Variants in FAM110B observed in about 807,000 individuals in gnomAD.
The protein encoded by FAM110B is protein FAM110B.
In FAM110B, 6 loss-of-function variants were observed where a neutral mutation model predicts 20.4. The ratio of observed to expected loss-of-function variants is 0.29; its 90% confidence interval spans 0.16 to 0.58. FAM110B has a LOEUF of 0.58. Ranked by LOEUF, FAM110B falls within the 20% of genes least tolerant of loss-of-function variation. The pLI is 0.90. For synonymous variants in FAM110B, 226 were observed against 214.1 expected (o/e 1.06, Z -0.49); for missense variants, 434 against 498.2 (o/e 0.87, Z 1.23).
chr8:57,999,359 A>G (rs1374066059), intron 1 of FAM110B, among the ~76,000 whole-genome samples: 12 of 152,210 alleles, frequency 7.9e-5, no homozygotes. Flanking sequence ...AGGCTTTTAA[A>G]AATACAATTC....
chr8:58,112,154 T>C (rs2017063), intron 3 of FAM110B, among the ~76,000 whole-genome samples: 48,764 of 151,870 alleles, frequency 0.32, 10,826 homozygotes, highest in African/African-American at 0.64. Context: ...AGTGAAACCC[T>C]GTCTGTACTA....
At chr8:58,024,329 G>C (rs1387215635) in intron 1 of FAM110B, among the ~76,000 whole-genome samples, 1 of 152,082 alleles carries the variant, frequency 6.6e-6, no homozygotes, top group Non-Finnish European at 1.5e-5. Context: ...GGTCTTACTA[G>C]TTTGAACCTC....
In FAM110B at chr8:58,147,425, A is replaced by C. The variant is rs1803895316; in HGVS notation, c.*82A>C. Reference sequence around the variant, plus strand: ...TGTGAGGTCTCCTTGAAGTGTTGTGAGCTTCTCCACTCTTTGTGTTGCTTG... The same window carrying C: ...TGTGAGGTCTCCTTGAAGTGTTGTGCGCTTCTCCACTCTTTGTGTTGCTTG... On this transcript the variant is annotated 3_prime_UTR_variant, in exon 4 of 4. Transcript: ENST00000519262. The C allele has an allele frequency of 1.4e-6, 2 of 1,479,122 alleles. No individual in the cohort carries two copies. The highest frequency in any genetic ancestry group is 2.8e-5 in the African/African-American group (2 of 71,458). The allele number at this position is 1,479,122 out of a possible 1,614,324, so 91.6% of individuals were successfully genotyped here. A position where few individuals can be genotyped will look rare whatever the true frequency, so the allele number is the denominator to read the frequency against.
chr8:58,043,074 C>T (rs1226914152), intron 2 of FAM110B: 2 of 152,210 alleles, frequency 1.3e-5, no homozygotes, highest in African/African-American at 4.8e-5. Context: ...ATGAAAGCAG[C>T]AAACACCTCA....
intron 2 of FAM110B, among the ~76,000 whole-genome samples, chr8:58,044,116 T>G (rs1432297557): frequency 6.6e-6 from 1 of 152,218 alleles, no homozygotes; most frequent in Non-Finnish European, 1.5e-5. Context: ...ATAAAGCACC[T>G]CATCTGTGCT....
chr8:58,060,474 C>T (rs1369904121), intron 2 of FAM110B, among the ~76,000 whole-genome samples: 2 of 152,114 alleles, frequency 1.3e-5, no homozygotes, highest in African/African-American at 4.8e-5. Context: ...AATAGATGAA[C>T]TGAAATTCCA....
intron 1 of FAM110B, among the ~76,000 whole-genome samples, chr8:58,025,451 T>C (rs1359710118): frequency 6.6e-6 from 1 of 152,074 alleles, no homozygotes; most frequent in Non-Finnish European, 1.5e-5. Context: ...ATGGGGACAT[T>C]GGTAGATGAG....
intron 2 of FAM110B, among the ~76,000 whole-genome samples, chr8:58,056,457 G>C (rs755755929): frequency 6.6e-6 from 1 of 152,128 alleles, no homozygotes; most frequent in African/African-American, 2.4e-5. Flanking sequence ...CTAAGAGAGA[G>C]CACTGACATT....
At chr8:58,130,780 A>C (rs1284863327) in intron 3 of FAM110B, among the ~76,000 whole-genome samples, 1 of 152,222 alleles carries the variant, frequency 6.6e-6, no homozygotes, top group Admixed American at 6.5e-5. Context: ...TCACAGAAGC[A>C]GTACGTTCTT....
At chr8:58,125,695 A>G (rs1807482305) in intron 3 of FAM110B, among the ~76,000 whole-genome samples, 2 of 152,340 alleles carry the variant, frequency 1.3e-5, no homozygotes, top group Middle Eastern at 3.4e-3. Flanking sequence ...ATTTCTCCAT[A>G]TAAAATGTCT....
chr8:58,026,659 A>G (rs1804861246), intron 1 of FAM110B, among the ~76,000 whole-genome samples: 1 of 152,218 alleles, frequency 6.6e-6, no homozygotes, highest in African/African-American at 2.4e-5. Flanking sequence ...TATGGACACC[A>G]GGATAGTTCC....
intron 3 of FAM110B, among the ~76,000 whole-genome samples, chr8:58,115,238 T>C (rs1807172043): frequency 6.6e-6 from 1 of 152,086 alleles, no homozygotes; most frequent in Admixed American, 6.6e-5. Context: ...TTCCATATAG[T>C]TTGTTTAACT....
At chr8:58,074,896 T>G (rs376945544) in intron 2 of FAM110B, among the ~76,000 whole-genome samples, 5 of 152,294 alleles carry the variant, frequency 3.3e-5, no homozygotes, top group African/African-American at 1.2e-4. Flanking sequence ...TAAGATATGA[T>G]GCCACATAAA....
intron 1 of FAM110B, among the ~76,000 whole-genome samples, chr8:58,017,874 A>G (rs1804671040): frequency 6.6e-6 from 1 of 152,198 alleles, no homozygotes; most frequent in African/African-American, 2.4e-5. Flanking sequence ...CAGACTGGTA[A>G]TAATGTCATG....
At chr8:58,091,421 T>G (rs1806474390) in intron 3 of FAM110B, 1 of 152,200 alleles carries the variant, frequency 6.6e-6, no homozygotes, top group African/African-American at 2.4e-5. Context: ...GTCCTGCTTA[T>G]GCTCGCCAAG....
intron 1 of FAM110B, among the ~76,000 whole-genome samples, chr8:58,010,592 A>T (rs1278682031): frequency 6.6e-6 from 1 of 152,138 alleles, no homozygotes; most frequent in Non-Finnish European, 1.5e-5. Flanking sequence ...GATTAATAAG[A>T]TGTCATCTGT....
At chr8:58,059,338 G>C (rs1297945134) in intron 2 of FAM110B, among the ~76,000 whole-genome samples, 5 of 152,202 alleles carry the variant, frequency 3.3e-5, no homozygotes, top group Admixed American at 1.3e-4. Context: ...AAGGGTTTGG[G>C]TAACTTTATA....
intron 3 of FAM110B, among the ~76,000 whole-genome samples, chr8:58,145,063 G>T (rs527767505): frequency 1.3e-5 from 2 of 152,248 alleles, no homozygotes; most frequent in African/African-American, 4.8e-5. Context: ...TACTGTAGAG[G>T]ATTTGGGAAT....
chr8:58,121,182 G>T lies in FAM110B; in HGVS notation c.-324-24725G>T, dbSNP rs1186450135. ...GATGCTGTGTGGCTGCTAGGTCTGG[G>T]GAGGTGCCATGCAAACAGGGAAGCC... On this transcript the variant is annotated intron_variant, in intron 3 of 3. Transcript: ENST00000519262. Among the ~76,000 whole-genome samples the T allele has an allele frequency of 2.6e-5, 4 of 152,282 alleles. No individual in the cohort carries two copies. In the East Asian group the frequency reaches 7.7e-4, roughly 29 times the overall value.
Sources: allele counts gnomAD v4.1 joint callset (sites outside exome capture counted in the v4.1 genomes callset), GRCh38; gene constraint gnomAD v4.1.1; transcripts MANE v1.5; gene names NCBI Gene and HGNC (gene_info 2026-07-23, HGNC 2026-07-21).